JMJD1C: variants seen among roughly 807,000 people sequenced by gnomAD.
JMJD1C encodes jumonji domain-containing protein 1C.
In JMJD1C, 31 loss-of-function variants were observed where a neutral mutation model predicts 245.3. That is an observed-to-expected ratio of 0.13 (90% CI 0.09 to 0.17). The LOEUF (loss-of-function observed/expected upper bound fraction) is 0.17. JMJD1C is among the 10% of genes least tolerant of loss of function. The probability of loss-of-function intolerance (pLI) is 1.00; values close to 1 mark genes in which losing one functional copy is unlikely to be tolerated. For synonymous variants in JMJD1C, 1,057 were observed against 1,017.4 expected (o/e 1.04, Z -0.74); for missense variants, 2,691 against 3,000.2 (o/e 0.90, Z 2.41).
intron 12 of JMJD1C, among the ~76,000 whole-genome samples, chr10:63,198,209 G>A (rs746357578): frequency 5.9e-5 from 9 of 152,200 alleles, no homozygotes; most frequent in Non-Finnish European, 1.0e-4. Context: ...AATTGGGGTA[G>A]ATTATGTCTT....
intron 1 of JMJD1C, among the ~76,000 whole-genome samples, chr10:63,405,466 G>A (rs138363907): frequency 3.3e-5 from 5 of 152,024 alleles, no homozygotes; most frequent in African/African-American, 1.2e-4. Flanking sequence ...GATTACAGGT[G>A]TGCGCCACCA....
At chr10:63,384,478 T>C (rs866006484) in intron 1 of JMJD1C, among the ~76,000 whole-genome samples, 1 of 152,208 alleles carries the variant, frequency 6.6e-6, no homozygotes, top group African/African-American at 2.4e-5. Context: ...CTAGCAGGCA[T>C]GAAAATATTA....
rs779672847 is a variant in JMJD1C at position 63,213,864 on chromosome 10, G to A, written c.2303C>T (p.Ser768Leu). ...GGTAGGTAATGGAGTTTGACTAGAT[G>A]ATCCGGCTAGTAAATGGGGTGCAGG... ...LTPAPHLLAGSSSQTPLPTIN... is the reference protein window; with the variant it reads ...LTPAPHLLAGLSSQTPLPTIN... Residue 768 changes from serine (S) to leucine (L), a missense_variant, in exon 8 of 26, where the codon TCA becomes TTA. By Grantham distance (145) the Ser-to-Leu change is moderately radical. Coordinates refer to ENST00000399262, the MANE Select transcript of JMJD1C (RefSeq NM_032776.3). 1 of 1,614,118 alleles carries A rather than the reference G, an allele frequency of 6.2e-7. No individual in the cohort carries two copies. The highest frequency in any genetic ancestry group is 8.5e-7 in the Non-Finnish European group (1 of 1,179,988).
At chr10:63,289,906 T>C (rs1858435755) in intron 2 of JMJD1C, among the ~76,000 whole-genome samples, 2 of 151,976 alleles carry the variant, frequency 1.3e-5, no homozygotes, top group African/African-American at 2.4e-5. Context: ...ACTGTACCCA[T>C]GTTACTTATA....
intron 1 of JMJD1C, among the ~76,000 whole-genome samples, chr10:63,414,797 C>T (rs1949704290): frequency 6.6e-6 from 1 of 151,846 alleles, no homozygotes; most frequent in Non-Finnish European, 1.5e-5. Flanking sequence ...GACCCAGCTA[C>T]TCGGGTGGCT....
chr10:63,324,068 C>T (rs1479183339), intron 2 of JMJD1C, among the ~76,000 whole-genome samples: 4 of 150,804 alleles, frequency 2.7e-5, no homozygotes, highest in Non-Finnish European at 5.9e-5. Flanking sequence ...TATGTGGGCC[C>T]CCAAAGGATG....
chr10:63,267,387 CATT>C (rs1450961492), intron 2 of JMJD1C, among the ~76,000 whole-genome samples: 1 of 151,728 alleles, frequency 6.6e-6, no homozygotes, highest in Non-Finnish European at 1.5e-5. Context: ...TTCAAAGGAA[CATT>C]ATAAGTTTAA....
intron 1 of JMJD1C, among the ~76,000 whole-genome samples, chr10:63,431,253 A>G (rs1950727998): frequency 6.6e-6 from 1 of 152,238 alleles, no homozygotes. Flanking sequence ...TTTGGAGGGC[A>G]ACCATCTCAT....
intron 5 of JMJD1C, among the ~76,000 whole-genome samples, chr10:63,216,315 A>G (rs1847969558): frequency 6.6e-6 from 1 of 152,186 alleles, no homozygotes; most frequent in Non-Finnish European, 1.5e-5. Context: ...GAAGGTATAA[A>G]TATCTATTTT....
chr10:63,233,366 ACTGT>A (rs1264948363), intron 3 of JMJD1C, among the ~76,000 whole-genome samples: 8 of 152,174 alleles, frequency 5.3e-5, no homozygotes, highest in Non-Finnish European at 2.9e-5. Flanking sequence ...TTAGAAAAGC[ACTGT>A]CTGTAACATT....
chr10:63,293,496 T>C (rs1564745047), intron 2 of JMJD1C, among the ~76,000 whole-genome samples: 1 of 152,176 alleles, frequency 6.6e-6, no homozygotes, highest in Non-Finnish European at 1.5e-5. Flanking sequence ...AAATATGTAA[T>C]ATTTGTTTTT....
At chr10:63,338,751 C>A (rs912250126) in intron 2 of JMJD1C, among the ~76,000 whole-genome samples, 1 of 144,604 alleles carries the variant, frequency 6.9e-6, no homozygotes, top group Non-Finnish European at 1.5e-5. Flanking sequence ...TGGGTTCAAG[C>A]GATCCTCCTA....
chr10:63,243,883 C>A (rs951310938), intron 3 of JMJD1C, among the ~76,000 whole-genome samples: 1 of 152,196 alleles, frequency 6.6e-6, no homozygotes, highest in African/African-American at 2.4e-5. Flanking sequence ...GAGAGAATCT[C>A]ACTTTCTATC....
chr10:63,254,078 A>G (rs1478957405), intron 3 of JMJD1C, among the ~76,000 whole-genome samples: 1 of 152,222 alleles, frequency 6.6e-6, no homozygotes, highest in East Asian at 1.9e-4. Flanking sequence ...TGAATTTTAG[A>G]GACAACTGTT....
chr10:63,336,763 T>C (rs1037414252), intron 2 of JMJD1C, among the ~76,000 whole-genome samples: 3 of 152,174 alleles, frequency 2.0e-5, no homozygotes, highest in African/African-American at 4.8e-5. Context: ...TTTTCCCTTA[T>C]AGAAGAATGC....
chr10:63,479,188 TAATG>T (rs1589815024), intron 1 of JMJD1C, among the ~76,000 whole-genome samples: 2 of 151,894 alleles, frequency 1.3e-5, no homozygotes, highest in East Asian at 1.9e-4. Context: ...TTTTCAAACT[TAATG>T]AGAGAGAGAA....
intron 3 of JMJD1C, among the ~76,000 whole-genome samples, chr10:63,249,327 A>C (rs1564680890): frequency 6.6e-6 from 1 of 152,174 alleles, no homozygotes. Context: ...AGAAAAAACA[A>C]AACAACAACA....
chr10:63,190,143 T>C (rs1844604926), intron 17 of JMJD1C, among the ~76,000 whole-genome samples: 2 of 150,202 alleles, frequency 1.3e-5, no homozygotes, highest in African/African-American at 4.9e-5. Flanking sequence ...TCAGGTGGTC[T>C]GCCCACGTCA....
At chr10:63,521,611 C>T in intron 1 of JMJD1C, 1 of 1,385,154 alleles carries the variant, frequency 7.2e-7, no homozygotes. Context: ...GCAGCCGGCG[C>T]GAGGCCCAGG....
Sources: allele counts gnomAD v4.1 joint callset (sites outside exome capture counted in the v4.1 genomes callset), GRCh38; gene constraint gnomAD v4.1.1; transcripts MANE v1.5; gene names NCBI Gene and HGNC (gene_info 2026-07-23, HGNC 2026-07-21).